SORCS1: variants seen among roughly 807,000 people sequenced by gnomAD.
SORCS1 encodes the protein sortilin related VPS10 domain containing receptor 1.
SORCS1 carries 60 observed loss-of-function variants against 146.1 expected under a neutral mutation model. The observed-to-expected ratio is 0.41, with a 90% CI of 0.33 to 0.51. The LOEUF is 0.51. SORCS1 is among the 20% of genes least tolerant of loss of function. The probability of loss-of-function intolerance (pLI) is 0.21; values close to 1 mark genes in which losing one functional copy is unlikely to be tolerated. For missense variants in SORCS1, 1,352 were observed against 1,487.6 expected (o/e 0.91, Z 1.50); for synonymous variants, 637 against 584.0 (o/e 1.09, Z -1.31).
intron 18 of SORCS1, among the ~76,000 whole-genome samples, chr10:106,630,440 G>A (rs1026777937): frequency 6.6e-6 from 1 of 152,156 alleles, no homozygotes; most frequent in African/African-American, 2.4e-5. Context: ...CAGCTAGTAA[G>A]TGGCGGTCCT....
chr10:106,688,437 A>C, intron 9 of SORCS1, 99 bp from the exon 10 acceptor site: 4 of 1,422,202 alleles, frequency 2.8e-6, no homozygotes, highest in Non-Finnish European at 3.8e-6. Context: ...AGCTGAGAGC[A>C]CTTGCCTTGG....
intron 5 of SORCS1, among the ~76,000 whole-genome samples, chr10:106,760,966 G>C (rs747646741): frequency 5.3e-5 from 8 of 152,026 alleles, no homozygotes; most frequent in Non-Finnish European, 1.0e-4. Context: ...AAGTAGCCAG[G>C]CATGGTGGCG....
intron 2 of SORCS1, among the ~76,000 whole-genome samples, chr10:106,861,081 G>A (rs1047346634): frequency 2.0e-5 from 3 of 152,192 alleles, no homozygotes; most frequent in Admixed American, 2.0e-4. Context: ...TGAAGACGCA[G>A]TGTTATTGTC....
chr10:106,802,927 G>A (rs761104120), intron 3 of SORCS1, among the ~76,000 whole-genome samples: 9 of 152,118 alleles, frequency 5.9e-5, no homozygotes, highest in Admixed American at 1.3e-4. Context: ...CATCATGCCC[G>A]GCCTGACTTT....
chr10:106,885,081 T>C (rs11193092), intron 2 of SORCS1, among the ~76,000 whole-genome samples: 3,947 of 152,296 alleles, frequency 0.026, 63 homozygotes, highest in Non-Finnish European at 0.04. Context: ...TTTTGGATAG[T>C]AGAAAATCTA....
At chr10:107,178,693 G>C in the SORCS1 span, among the ~76,000 whole-genome samples, 1 of 151,946 alleles carries the variant, frequency 6.6e-6, no homozygotes, top group Non-Finnish European at 1.5e-5. Flanking sequence ...TCGCCTTGTT[G>C]GCCAGGCTGG....
At chr10:106,998,859 C>G (rs1234669107) in intron 1 of SORCS1, among the ~76,000 whole-genome samples, 1 of 152,196 alleles carries the variant, frequency 6.6e-6, no homozygotes, top group Non-Finnish European at 1.5e-5. Context: ...GTAAAGCTAA[C>G]AGTCTCTAGA....
intron 5 of SORCS1, among the ~76,000 whole-genome samples, chr10:106,740,809 A>G (rs201686449): frequency 6.6e-6 from 1 of 152,230 alleles, no homozygotes. Context: ...CAAATTCAGG[A>G]AAAATAATGA....
chr10:106,679,268 G>A lies in SORCS1; in HGVS notation c.1728C>T (p.Asn576=), dbSNP rs1479304562. Residue 576 remains asparagine (N), a synonymous_variant, in exon 12 of 26, where the codon AAC becomes AAT. Coordinates refer to ENST00000263054, the MANE Select transcript of SORCS1 (RefSeq NM_052918.5). ...GGTATTTTCTTACCTGTCTCCAGGT[G>A]TTCCCTGCATCTGAAGAGACAAACA... The part of the protein sequence containing the change: ...ISMFVSSDAG[N]TWRQIFEEEH... 1.1e-5 allele frequency: 17 copies of A among 1,612,614 alleles called. No homozygotes were observed. The highest frequency in any genetic ancestry group is 1.4e-5 in the Non-Finnish European group (17 of 1,179,132).
At chr10:106,924,413 C>G (rs10786986) in intron 2 of SORCS1, among the ~76,000 whole-genome samples, 79,274 of 151,668 alleles carry the variant, frequency 0.52, 22,321 homozygotes, top group Non-Finnish European at 0.63. Flanking sequence ...AAAATTAAAA[C>G]ATGCAAATAA....
At chr10:107,090,638 C>T (rs958707652) in intron 1 of SORCS1, among the ~76,000 whole-genome samples, 1 of 152,134 alleles carries the variant, frequency 6.6e-6, no homozygotes, top group African/African-American at 2.4e-5. Flanking sequence ...CTGTGCAGAA[C>T]CTTCCAACAC....
intron 2 of SORCS1, among the ~76,000 whole-genome samples, chr10:106,830,595 A>T (rs1479418881): frequency 1.3e-5 from 2 of 149,812 alleles, no homozygotes; most frequent in African/African-American, 5.0e-5. Context: ...TTTTTTTTAA[A>T]AAAATTTAAA....
intron 5 of SORCS1, among the ~76,000 whole-genome samples, chr10:106,747,258 A>G (rs535521441): frequency 6.6e-6 from 1 of 152,314 alleles, no homozygotes; most frequent in East Asian, 1.9e-4. Context: ...CAGAGTCAAC[A>G]ATAAAAAATA....
chr10:107,150,502 TC>T (rs1968698073), intron 1 of SORCS1, among the ~76,000 whole-genome samples: 1 of 152,192 alleles, frequency 6.6e-6, no homozygotes, highest in African/African-American at 2.4e-5. Flanking sequence ...GCAAAATCAC[TC>T]AAAGCAAAAG....
At chr10:106,620,235 G>A in intron 20 of SORCS1, 193 bp downstream of exon 20, 1 of 557,768 alleles carries the variant, frequency 1.8e-6, no homozygotes, top group Non-Finnish European at 2.9e-6. Flanking sequence ...AAATGCAGAA[G>A]GTGGAGAGGG....
rs1277064114 is a variant in SORCS1 at position 106,637,076 on chromosome 10, G to A, written c.2476-7688C>T. ...TGGGTTTGTGAGGATTCCTGGTAGT[G>A]TGAGTGTTTGACAAAGTCTGAGATG... On this transcript the variant is annotated intron_variant, in intron 18 of 25. Coordinates refer to ENST00000263054, the MANE Select transcript of SORCS1 (RefSeq NM_052918.5). Among the ~76,000 whole-genome samples the A allele has an allele frequency of 4.6e-5, 7 of 152,216 alleles. No homozygotes were observed. The East Asian group carries it at 1.2e-3, about 25-fold the overall frequency.
chr10:106,716,777 C>A (rs1359322275), intron 6 of SORCS1, among the ~76,000 whole-genome samples: 1 of 152,210 alleles, frequency 6.6e-6, no homozygotes, highest in Non-Finnish European at 1.5e-5. Context: ...ATAACCAGAG[C>A]AACCTTTCCT....
At chr10:106,945,429 CAT>C (rs1954286196) in intron 2 of SORCS1, among the ~76,000 whole-genome samples, 1 of 152,060 alleles carries the variant, frequency 6.6e-6, no homozygotes, top group Non-Finnish European at 1.5e-5. Context: ...TAAATTTTGA[CAT>C]AAAAGGACAA....
intron 1 of SORCS1, among the ~76,000 whole-genome samples, chr10:107,143,872 C>T (rs1273452051): frequency 6.6e-6 from 1 of 152,004 alleles, no homozygotes; most frequent in Admixed American, 6.6e-5. Flanking sequence ...CTCAAGCAAT[C>T]CACTCACCTC....
Sources: gnomAD v4.1 joint callset for allele counts (sites outside exome capture counted in the v4.1 genomes callset) on GRCh38, gnomAD v4.1.1 for gene constraint, MANE v1.5 for transcripts, NCBI Gene and HGNC (gene_info 2026-07-23, HGNC 2026-07-21) for gene names.